Variants in ACSF2 observed in about 807,000 individuals in gnomAD.
ACSF2 encodes acyl-CoA synthetase family member 2, also known as medium-chain acyl-CoA ligase ACSF2, mitochondrial.
ACSF2 carries 52 observed loss-of-function variants against 79.3 expected under a neutral mutation model. The ratio of observed to expected loss-of-function variants is 0.66; its 90% CI spans 0.53 to 0.83. The LOEUF is 0.83. ACSF2 is among the 40% of genes least tolerant of loss of function. ACSF2 has a pLI of 0.00. For synonymous variants in ACSF2, 283 were observed against 312.6 expected, an observed-to-expected ratio of 0.91 and a Z score of 1.00; for missense variants, 661 against 803.3, an observed-to-expected ratio of 0.82 and a Z score of 2.14.
chr17:50,448,059 C>G (rs998458347), intron 1 of ACSF2, among the ~76,000 whole-genome samples: 1 of 152,218 alleles, frequency 6.6e-6, no homozygotes, highest in African/African-American at 2.4e-5. Flanking sequence ...ACAACGGGAA[C>G]ACATTCTGAG....
rs2143507489 is a variant in ACSF2, at chr17:50,434,728, C to T, written c.128+8339C>T. 2.0e-5 allele frequency among the ~76,000 whole-genome samples: 3 copies of T among 151,290 alleles called. No homozygotes were observed. In the East Asian group the frequency reaches 5.8e-4, roughly 29 times the overall value. ...TTTTTTTACTGTAGTCCTTACTAGT[C>T]TTTGTAGTCGTTTGTAGTTTGTTCT... is the stretch of plus-strand genomic sequence containing the variant. On this transcript the variant is annotated intron_variant, in intron 1 of 15. Transcript: ENST00000300441.
chr17:50,457,382 G>A (rs140902704), intron 1 of ACSF2, among the ~76,000 whole-genome samples: 9 of 152,366 alleles, frequency 5.9e-5, no homozygotes, highest in African/African-American at 2.2e-4. Context: ...GGCCAGGAGG[G>A]TGTGGAGGTT....
chr17:50,472,879 C>A, intron 12 of ACSF2: 1 of 243,048 alleles, frequency 4.1e-6, no homozygotes, highest in Non-Finnish European at 7.8e-6. Flanking sequence ...CCGTTCTCGC[C>A]GCTAGAGGTC....
At chr17:50,466,977 G>A (rs1470096601) in intron 10 of ACSF2, among the ~76,000 whole-genome samples, 2 of 152,198 alleles carry the variant, frequency 1.3e-5, no homozygotes, top group Non-Finnish European at 1.5e-5. Flanking sequence ...TGCTGCCCAA[G>A]TGAGATTCTG....
At chr17:50,427,107 C>A in intron 1 of ACSF2, 2 of 967,446 alleles carry the variant, frequency 2.1e-6, no homozygotes, top group Non-Finnish European at 3.1e-6. Context: ...GCTTCAGCAG[C>A]ACCACTGGGG....
chr17:50,449,737 G>A (rs2031550990), intron 1 of ACSF2, among the ~76,000 whole-genome samples: 1 of 152,002 alleles, frequency 6.6e-6, no homozygotes, highest in African/African-American at 2.4e-5. Context: ...TTTAAAAATT[G>A]CTTTATTGTA....
At chr17:50,455,108 G>A (rs748067789) in intron 1 of ACSF2, among the ~76,000 whole-genome samples, 29 of 152,244 alleles carry the variant, frequency 1.9e-4, no homozygotes, top group African/African-American at 3.6e-4. Context: ...TCAGCCTCCC[G>A]GGTAGCTGGG....
intron 10 of ACSF2, chr17:50,468,251 G>T (rs142303113): frequency 6.2e-7 from 1 of 1,611,640 alleles, no homozygotes; most frequent in African/African-American, 1.3e-5. Flanking sequence ...CAGGGCCCCG[G>T]GCTGCAGGGA....
At chr17:50,466,335 C>T (rs1196317200) in intron 10 of ACSF2, among the ~76,000 whole-genome samples, 10 of 152,218 alleles carry the variant, frequency 6.6e-5, no homozygotes, top group Admixed American at 2.6e-4. Flanking sequence ...GTGATCTACC[C>T]GCCTCAGCCT....
chr17:50,465,527 G>C (rs1364204981), intron 10 of ACSF2: 5 of 1,532,760 alleles, frequency 3.3e-6, no homozygotes, highest in Non-Finnish European at 4.5e-6. Context: ...GGATTGACTT[G>C]GCCACAGGAT....
intron 12 of ACSF2, chr17:50,473,317 G>A: frequency 3.6e-6 from 1 of 278,266 alleles, no homozygotes. Context: ...AGGGTTATAG[G>A]AGAGAAAGTG....
intron 10 of ACSF2, among the ~76,000 whole-genome samples, chr17:50,467,670 G>A (rs1772919071): frequency 6.6e-6 from 1 of 152,216 alleles, no homozygotes; most frequent in African/African-American, 2.4e-5. Context: ...GGGGTGGTAG[G>A]TTTACTGGAG....
intron 6 of ACSF2, 82 bp downstream of exon 6, chr17:50,462,667 CAGCAGAGGAG>C: frequency 6.6e-7 from 1 of 1,503,892 alleles, no homozygotes; most frequent in South Asian, 1.2e-5. Context: ...GATGGGGAGA[CAGCAGAGGAG>C]AGCATGCCTT....
chr17:50,426,779 A>T (rs1271414517), intron 1 of ACSF2: 2 of 1,008,288 alleles, frequency 2.0e-6, no homozygotes, highest in African/African-American at 3.2e-5. Flanking sequence ...AAACTTGGGG[A>T]TCAGCCCCAG....
At chr17:50,472,875 T>G in intron 12 of ACSF2, 1 of 259,532 alleles carries the variant, frequency 3.9e-6, no homozygotes. Flanking sequence ...AGCACCGTTC[T>G]CGCCGCTAGA....
intron 10 of ACSF2, chr17:50,468,250 G>C: frequency 1.2e-6 from 2 of 1,611,644 alleles, no homozygotes; most frequent in Non-Finnish European, 1.7e-6. Flanking sequence ...CCAGGGCCCC[G>C]GGCTGCAGGG....
At chr17:50,435,070 A>G (rs956811599) in intron 1 of ACSF2, among the ~76,000 whole-genome samples, 84 of 152,196 alleles carry the variant, frequency 5.5e-4, no homozygotes, top group African/African-American at 1.9e-3. Flanking sequence ...GGATTTCTCC[A>G]TGTTGGTCAA....
rs567430524 is a variant in ACSF2 at position 50,452,683 on chromosome 17, T to TA, written c.129-7986dup. On this transcript the variant is annotated intron_variant, in intron 1 of 15. Coordinates refer to ENST00000300441, the MANE Select transcript of ACSF2 (RefSeq NM_025149.6). ...TGTATCCCAGAACTTAAAATAAAGT[T>TA]AAAAAAAAGAAAGAAAGAAAGAAAA... 3.3e-5 allele frequency among the ~76,000 whole-genome samples: 5 copies of TA among 151,448 alleles called. No individual in the cohort carries two copies. The East Asian group carries it at 5.8e-4, about 18-fold the overall frequency.
At chr17:50,454,090 G>A (rs1598411161) in intron 1 of ACSF2, among the ~76,000 whole-genome samples, 1 of 151,938 alleles carries the variant, frequency 6.6e-6, no homozygotes. Context: ...ACATGAGCCC[G>A]GGAGGTCCAG....
Sources: gnomAD v4.1 joint callset for allele counts (sites outside exome capture counted in the v4.1 genomes callset) on GRCh38, gnomAD v4.1.1 for gene constraint, MANE v1.5 for transcripts, NCBI Gene and HGNC (gene_info 2026-07-23, HGNC 2026-07-21) for gene names.